The following LY75 variants were observed in gnomAD, a reference collection of about 807,000 sequenced individuals.
LY75 encodes the protein C-type lectin domain family 13 member B.
Under a neutral mutation model 231.7 loss-of-function variants are expected in LY75, and 185 were observed. The observed-to-expected ratio is 0.80, with a 90% CI of 0.71 to 0.90. LY75 has a LOEUF of 0.90. LY75 is among the 40% of genes least tolerant of loss of function. The pLI is 0.00. For synonymous variants in LY75, 668 were observed against 689.0 expected (o/e 0.97, Z 0.48); for missense variants, 1,947 against 2,050.2 (o/e 0.95, Z 0.97).
chr2:159,852,904 A>C (rs983373309), intron 20 of LY75, among the ~76,000 whole-genome samples: 2 of 152,192 alleles, frequency 1.3e-5, no homozygotes, highest in East Asian at 1.9e-4. Flanking sequence ...TGACTACCAT[A>C]CCATCCCAGG....
chr2:159,851,711 C>G (rs745331333), intron 21 of LY75, among the ~76,000 whole-genome samples: 1 of 152,134 alleles, frequency 6.6e-6, no homozygotes, highest in Non-Finnish European at 1.5e-5. Context: ...TTTCTCAAAC[C>G]TATTTAATCA....
At chr2:159,842,166 A>G in intron 24 of LY75, 79 bp downstream of exon 24, 1 of 1,490,172 alleles carries the variant, frequency 6.7e-7, no homozygotes. Context: ...CCCTCCCTAT[A>G]GAAAGTGACT....
chr2:159,847,144 T>A (rs1461494070), intron 23 of LY75, among the ~76,000 whole-genome samples: 1 of 152,124 alleles, frequency 6.6e-6, no homozygotes, highest in Non-Finnish European at 1.5e-5. Flanking sequence ...CCTGAATAGC[T>A]GGGAGTACAG....
chr2:159,851,648 A>G (rs1684404942), intron 21 of LY75, among the ~76,000 whole-genome samples: 1 of 152,242 alleles, frequency 6.6e-6, no homozygotes. Flanking sequence ...CCTAATACAT[A>G]CATATACCAA....
At chr2:159,809,793 T>A (rs1284071739) in intron 32 of LY75, among the ~76,000 whole-genome samples, 1 of 151,852 alleles carries the variant, frequency 6.6e-6, no homozygotes, top group African/African-American at 2.4e-5. Flanking sequence ...TTCTCCTGCC[T>A]CAGCTTCCCA....
At chr2:159,870,278 C>T (rs1002910408) in intron 13 of LY75, among the ~76,000 whole-genome samples, 5 of 151,954 alleles carry the variant, frequency 3.3e-5, no homozygotes, top group African/African-American at 4.8e-5. Flanking sequence ...TGGAAAAACC[C>T]GTTTCTACAA....
Position 159,879,311 on chromosome 2 carries a change from T to C in LY75, c.1463A>G (p.Lys488Arg), listed in dbSNP as rs774774474. 6.8e-6 allele frequency: 11 copies of C among 1,613,834 alleles called. No individual in the cohort carries two copies. Among genetic ancestry groups the C allele is most frequent in the Non-Finnish European group, 9.3e-6 (11 of 1,179,904 alleles). Residue 488 changes from lysine to arginine, a missense_variant, in exon 9 of 35, where the codon AAG (lysine) becomes AGG (arginine). By Grantham distance (26) the Lys-to-Arg change is conservative. Coordinates refer to ENST00000263636, the MANE Select transcript of LY75 (RefSeq NM_002349.4). ...ACTTGCGTCATTCAGTTTTTCTCCC[T>C]TTCTCTTGCATACATATTTTAGTTT... ...EEKLKYVCKR[K>R]GEKLNDASSD...
intron 26 of LY75, among the ~76,000 whole-genome samples, chr2:159,834,504 C>T (rs940805882): frequency 6.6e-6 from 1 of 152,164 alleles, no homozygotes; most frequent in African/African-American, 2.4e-5. Flanking sequence ...ATGTCAAGTA[C>T]AAGGGACCAC....
At position 159,860,834 on chromosome 2, in the gene LY75, C is replaced by A. The variant is rs1684680209; in HGVS notation, c.2255G>T (p.Cys752Phe). ...EFQQDYDIRD[C>F]AAVKVFHRPW... ...CATTGTACTGACCTTGACAGCAGCA[C>A]AGTCTCTGATGTCATAATCCTGCTG... is the stretch of plus-strand genomic sequence containing the variant. Residue 752 changes from cysteine (C) to phenylalanine (F), a missense_variant, in exon 15 of 35, where the codon TGT becomes TTT. Physicochemically the swap from Cys to Phe is radical, Grantham distance 205. Coordinates refer to ENST00000263636, the MANE Select transcript of LY75 (RefSeq NM_002349.4). 6.2e-7 allele frequency: 1 copy of A among 1,613,936 alleles called. No individual in the cohort carries two copies.
At chr2:159,824,179 T>A (rs768082293) in intron 28 of LY75, among the ~76,000 whole-genome samples, 2 of 152,076 alleles carry the variant, frequency 1.3e-5, no homozygotes, top group African/African-American at 4.8e-5. Context: ...TCAAGACCCA[T>A]CAATGTGCTG....
intron 28 of LY75, among the ~76,000 whole-genome samples, chr2:159,826,584 T>C (rs1021323240): frequency 1.4e-4 from 22 of 152,212 alleles, no homozygotes; most frequent in Non-Finnish European, 2.8e-4. Flanking sequence ...ACTGACTTTC[T>C]TCACAGAACT....
chr2:159,899,203 G>A (rs1685998401), intron 1 of LY75, 144 bp from the exon 2 acceptor site: 3 of 1,439,374 alleles, frequency 2.1e-6, no homozygotes, highest in Non-Finnish European at 2.8e-6. Flanking sequence ...ACTACAAAAG[G>A]TGGGACAGTG....
intron 31 of LY75, among the ~76,000 whole-genome samples, chr2:159,811,686 G>A (rs545117564): frequency 1.3e-5 from 2 of 152,262 alleles, no homozygotes; most frequent in Admixed American, 1.3e-4. Flanking sequence ...AGGAATGGCG[G>A]CTACTGTGAG....
chr2:159,849,864 C>G, intron 23 of LY75, 116 bp downstream of exon 23: 1 of 1,359,232 alleles, frequency 7.4e-7, no homozygotes, highest in Non-Finnish European at 9.9e-7. Context: ...TGTGCCTATT[C>G]TGGACATTTC....
intron 28 of LY75, among the ~76,000 whole-genome samples, chr2:159,826,025 A>G (rs1683457641): frequency 6.6e-6 from 1 of 152,230 alleles, no homozygotes; most frequent in African/African-American, 2.4e-5. Flanking sequence ...AACTGGAAGC[A>G]TTCCCTTTGA....
chr2:159,879,217 T>C (rs369054959), intron 9 of LY75, 42 bp downstream of exon 9: 171 of 1,596,524 alleles, frequency 1.1e-4, no homozygotes, highest in Non-Finnish European at 1.4e-4. Flanking sequence ...ACCAAGAAGT[T>C]GTAATACTGC....
Position 159,816,802 on chromosome 2 carries a change from T to C in LY75, c.4380+4A>G. On this transcript the variant is annotated splice_donor_region_variant and intron_variant, in intron 30 of 34. Transcript: ENST00000263636. ...AAGTTTCTGGAAAACGAAGCAAGAC[T>C]TACATCATGACTTGAGAGCCCAACC... 1 of 1,612,678 alleles carries C rather than the reference T, an allele frequency of 6.2e-7. No homozygotes were observed. The highest frequency in any genetic ancestry group is 8.5e-7 in the Non-Finnish European group (1 of 1,179,062).
chr2:159,850,081 T>C lies in LY75; in HGVS notation c.3049A>G (p.Thr1017Ala), dbSNP rs1384617885. 6 of 1,613,860 alleles carry C rather than the reference T, an allele frequency of 3.7e-6. No homozygotes were observed. Among genetic ancestry groups the C allele is most frequent in the Non-Finnish European group, 3.4e-6 (4 of 1,179,928 alleles). ...CATTTGTTTATCTTTTCATAGGCAG[T>C]CCAGCGCAAACCAATCCATAAAGTA... ...EATLWIGLRW[T>A]AYEKINKWTD... Residue 1017 changes from threonine to alanine, a missense_variant, in exon 23 of 35, where the codon ACT becomes GCT. Transcript: ENST00000263636.
intron 1 of LY75, among the ~76,000 whole-genome samples, chr2:159,901,766 C>T (rs1574607275): frequency 6.6e-6 from 1 of 152,178 alleles, no homozygotes; most frequent in Non-Finnish European, 1.5e-5. Context: ...TTGTTTGAAC[C>T]AAGTATGCAA....
Sources: allele counts gnomAD v4.1 joint callset (sites outside exome capture counted in the v4.1 genomes callset), GRCh38; gene constraint gnomAD v4.1.1; transcripts MANE v1.5; gene names NCBI Gene and HGNC (gene_info 2026-07-23, HGNC 2026-07-21).